The following GAB1 variants were observed in gnomAD, a reference collection of about 807,000 sequenced individuals.
The protein encoded by GAB1 is GRB2 associated binding protein 1.
A neutral mutation model predicts 66.5 loss-of-function variants in GAB1; 19 were observed. The ratio of observed to expected loss-of-function variants is 0.29; its 90% CI spans 0.20 to 0.42. The LOEUF (loss-of-function observed/expected upper bound fraction) is 0.42. Ranked by LOEUF, GAB1 falls within the 10% of genes least tolerant of loss-of-function variation. The probability of loss-of-function intolerance (pLI) is 1.00; values close to 1 mark genes in which losing one functional copy is unlikely to be tolerated. For missense variants in GAB1, 732 were observed against 858.5 expected (o/e 0.85, Z 1.84); for synonymous variants, 294 against 301.4 (o/e 0.98, Z 0.25).
intron 1 of GAB1, among the ~76,000 whole-genome samples, chr4:143,375,961 G>A (rs1160805826): frequency 9.2e-5 from 14 of 152,224 alleles, no homozygotes; most frequent in Admixed American, 6.5e-4. Context: ...ATTGAGAACC[G>A]CTGCTGCATA....
intron 1 of GAB1, among the ~76,000 whole-genome samples, chr4:143,385,666 T>G (rs535366097): frequency 6.6e-6 from 1 of 152,260 alleles, no homozygotes; most frequent in African/African-American, 2.4e-5. Flanking sequence ...TCATTTTCAT[T>G]TACATCCTAT....
chr4:143,435,317 T>A (rs1440909834), intron 3 of GAB1, among the ~76,000 whole-genome samples: 1 of 152,226 alleles, frequency 6.6e-6, no homozygotes, highest in Non-Finnish European at 1.5e-5. Flanking sequence ...CATTTGTTAA[T>A]ATCAAATTCT....
In GAB1 at chr4:143,439,890, A is replaced by G. The variant is rs1734129892; in HGVS notation, c.1281+3A>G. ...TTGAAGGCTTCCATAACCACTTTGT[A>G]AGTATAATTGACCTTGGCATCATCA... is the stretch of plus-strand genomic sequence containing the variant. On this transcript the variant is annotated splice_donor_region_variant and intron_variant, in intron 5 of 9. Transcript: ENST00000262994. 6.2e-7 allele frequency: 1 copy of G among 1,601,958 alleles called. No homozygotes were observed. Among genetic ancestry groups the G allele is most frequent in the South Asian group, 1.1e-5 (1 of 90,842 alleles).
chr4:143,373,828 T>A (rs1730265360), intron 1 of GAB1, among the ~76,000 whole-genome samples: 1 of 107,756 alleles, frequency 9.3e-6, no homozygotes, highest in Non-Finnish European at 2.1e-5. Context: ...AAACCCTCTC[T>A]CTCTCTCTCT....
At position 143,433,503 on chromosome 4, in the gene GAB1, C is replaced by A; in HGVS notation, c.380C>A (p.Pro127Gln). Reference sequence around the variant, plus strand: ...TTTGGTGTTGCAGATCCTGTGAAGCCACCTGGCAGCTCTTTACAAGCACCA... The same window carrying A: ...TTTGGTGTTGCAGATCCTGTGAAGCAACCTGGCAGCTCTTTACAAGCACCA... ...FNPTEEDPVK[P>Q]PGSSLQAPAD... The change falls in exon 3 of 10, where the codon CCA (proline) becomes CAA (glutamine). Residue 127 changes from proline (P) to glutamine (Q), a missense_variant. Physicochemically the swap from Pro to Gln is moderately conservative, Grantham distance 76. Around this residue, in one of 4 missense-constraint regions of GAB1, gnomAD observed 427 missense variants for 420.6 expected, o/e 1.02. Coordinates refer to ENST00000262994, the MANE Select transcript of GAB1 (RefSeq NM_002039.4). 1 of 1,613,648 alleles carries A rather than the reference C, an allele frequency of 6.2e-7. No homozygotes were observed. The highest frequency in any genetic ancestry group is 8.5e-7 in the Non-Finnish European group (1 of 1,179,686).
chr4:143,439,165 T>G (rs1025993036), intron 4 of GAB1, among the ~76,000 whole-genome samples: 19 of 152,250 alleles, frequency 1.2e-4, no homozygotes, highest in Middle Eastern at 3.4e-3. Context: ...GAGTATACTT[T>G]CCTATACTGT....
At chr4:143,400,320 G>A (rs929140525) in intron 1 of GAB1, among the ~76,000 whole-genome samples, 2 of 152,210 alleles carry the variant, frequency 1.3e-5, no homozygotes, top group Non-Finnish European at 2.9e-5. Context: ...GGATGGTAGA[G>A]TGTGAAAAGG....
intron 1 of GAB1, among the ~76,000 whole-genome samples, chr4:143,357,194 G>C (rs927520500): frequency 2.0e-5 from 3 of 152,120 alleles, no homozygotes; most frequent in Admixed American, 6.6e-5. Flanking sequence ...GATAAACTAG[G>C]GTATCTGTAA....
intron 1 of GAB1, chr4:143,349,878 G>C (rs1246424439): frequency 3.2e-6 from 5 of 1,582,430 alleles, no homozygotes; most frequent in Non-Finnish European, 4.3e-6. Context: ...AAAAGTCAAT[G>C]ATCTCTGATT....
intron 1 of GAB1, among the ~76,000 whole-genome samples, chr4:143,357,781 TC>T (rs1729506957): frequency 6.6e-6 from 1 of 152,120 alleles, no homozygotes; most frequent in Admixed American, 6.5e-5. Context: ...TAGTAGTATT[TC>T]CAGGAAATGA....
chr4:143,416,796 C>T (rs1410576908), intron 2 of GAB1, among the ~76,000 whole-genome samples: 2 of 152,102 alleles, frequency 1.3e-5, no homozygotes, highest in East Asian at 1.9e-4. Flanking sequence ...TAGATTATCC[C>T]ATTTATGCCT....
At chr4:143,451,466 A>T (rs1489455150) in intron 6 of GAB1, among the ~76,000 whole-genome samples, 1 of 152,150 alleles carries the variant, frequency 6.6e-6, no homozygotes, top group African/African-American at 2.4e-5. Flanking sequence ...AAAGAATTTT[A>T]TGCAGGCACA....
At chr4:143,419,906 G>T (rs1578686762) in intron 2 of GAB1, among the ~76,000 whole-genome samples, 1 of 152,082 alleles carries the variant, frequency 6.6e-6, no homozygotes, top group Non-Finnish European at 1.5e-5. Flanking sequence ...TGTAATTTTG[G>T]TTTTTGATCC....
intron 6 of GAB1, chr4:143,457,542 A>G (rs948154914): frequency 1.4e-5 from 7 of 504,868 alleles, no homozygotes; most frequent in Non-Finnish European, 2.4e-5. Context: ...ATTCTCCACA[A>G]CAAACTTTTG....
At chr4:143,459,746 A>G (rs1735386064) in intron 7 of GAB1, among the ~76,000 whole-genome samples, 1 of 152,156 alleles carries the variant, frequency 6.6e-6, no homozygotes, top group Non-Finnish European at 1.5e-5. Context: ...AGAAATGTGT[A>G]TTTGTGTATT....
chr4:143,337,753 G>A (rs1208070920), intron 1 of GAB1, among the ~76,000 whole-genome samples: 1 of 152,224 alleles, frequency 6.6e-6, no homozygotes, highest in Non-Finnish European at 1.5e-5. Context: ...CGGGAAGCGG[G>A]CTGTGGAGCT....
Position 143,459,495 on chromosome 4 carries a change from A to C in GAB1, c.1679+17A>C, listed in dbSNP as rs777609573. ...TGCTCGAGAGTAAGTCCTTTGTCTA[A>C]AATATGTAGTTTGTATGAATAATGT... On this transcript the variant is annotated intron_variant, in intron 7 of 9. Transcript: ENST00000262994. 11 of 1,282,202 alleles carry C rather than the reference A, an allele frequency of 8.6e-6. No homozygotes were observed. The Admixed American group carries it at 1.7e-4, about 20-fold the overall frequency. 79.4% of individuals were successfully genotyped at this position (1,282,202 alleles called of 1,614,324 possible).
chr4:143,461,670 T>C (rs1284654062), intron 8 of GAB1, among the ~76,000 whole-genome samples: 1 of 152,044 alleles, frequency 6.6e-6, no homozygotes, highest in Non-Finnish European at 1.5e-5. Context: ...ATCCCATGCA[T>C]ATGGGAGAGG....
Position 143,466,128 on chromosome 4 carries a change from A to T in GAB1, c.1829A>T (p.Asp610Val). 6.2e-7 allele frequency: 1 copy of T among 1,613,774 alleles called. No individual in the cohort carries two copies. Among genetic ancestry groups the T allele is most frequent in the South Asian group, 1.1e-5 (1 of 91,058 alleles). The change falls in exon 9 of 10, where the codon GAT (aspartate) becomes GTT (valine). Residue 610 changes from aspartate to valine, a missense_variant. By Grantham distance (152) the Asp-to-Val change is radical. Transcript: ENST00000262994. ...AATCTCTTTGGCAGTAACAGTCTTG[A>T]TGGAGGAAGCAGCCCTATGATCAAG... ...DPNLFGSNSL[D>V]GGSSPMIKPK...
Sources: gnomAD v4.1 joint callset for allele counts (sites outside exome capture counted in the v4.1 genomes callset) on GRCh38, gnomAD v4.1.1 for gene constraint, gnomAD v4.1.1 regional missense constraint, MANE v1.5 for transcripts, NCBI Gene and HGNC (gene_info 2026-07-23, HGNC 2026-07-21) for gene names.